SFRP1: variants seen among roughly 807,000 people sequenced by gnomAD.
SFRP1 encodes the protein secreted frizzled-related protein 1.
Under a neutral mutation model 25.9 loss-of-function variants are expected in SFRP1, and 9 were observed. The ratio of observed to expected loss-of-function variants is 0.35; its 90% confidence interval spans 0.21 to 0.61. SFRP1 has a LOEUF of 0.61. Ranked by LOEUF, SFRP1 falls within the 20% of genes least tolerant of loss-of-function variation. The pLI is 0.78. For synonymous variants in SFRP1, 178 were observed against 174.0 expected (o/e 1.02, Z -0.18); for missense variants, 346 against 418.2 (o/e 0.83, Z 1.51).
In SFRP1 at chr8:41,303,722, G is replaced by A. The variant is rs142455730; in HGVS notation, c.545-184C>T. 2.0e-4 allele frequency among the ~76,000 whole-genome samples: 30 copies of A among 152,234 alleles called. No individual in the cohort carries two copies. The East Asian group carries it at 4.2e-3, about 22-fold the overall frequency. The stretch of plus-strand genomic sequence containing the variant: ...CCCAGGGTCTACAACCAGAGCAGGC[G>A]CAGGTTTCTTGAAACATTTTGGCCC... On this transcript the variant is annotated intron_variant, in intron 1 of 2. Coordinates refer to ENST00000220772, the MANE Select transcript of SFRP1 (RefSeq NM_003012.5).
intron 1 of SFRP1, among the ~76,000 whole-genome samples, chr8:41,304,490 G>A (rs1803968898): frequency 1.3e-5 from 2 of 151,988 alleles, no homozygotes; most frequent in African/African-American, 4.8e-5. Flanking sequence ...CACATTCTAG[G>A]GGCACCCCAC....
intron 2 of SFRP1, among the ~76,000 whole-genome samples, chr8:41,290,906 TTTTTTTTTTTTTTTTTTTG>T (rs1803770274): frequency 9.2e-6 from 1 of 108,912 alleles, no homozygotes; most frequent in South Asian, 3.4e-4. Context: ...TTTTTTTTTT[TTTTTTTTTTTTTTTTTTTG>T]AGATGGAGTC....
At chr8:41,308,047 A>C (rs556191925) in intron 1 of SFRP1, among the ~76,000 whole-genome samples, 3 of 152,354 alleles carry the variant, frequency 2.0e-5, no homozygotes, top group Admixed American at 6.5e-5. Context: ...CCAGTTTTGC[A>C]GCAATCCCAA....
chr8:41,302,512 A>G (rs919515832), intron 2 of SFRP1, among the ~76,000 whole-genome samples: 4 of 152,210 alleles, frequency 2.6e-5, no homozygotes, highest in African/African-American at 9.6e-5. Flanking sequence ...ATTCTGTAAG[A>G]AATCCGATCT....
chr8:41,269,304 C>T (rs956897349), intron 2 of SFRP1, among the ~76,000 whole-genome samples: 3 of 152,114 alleles, frequency 2.0e-5, no homozygotes, highest in African/African-American at 7.2e-5. Context: ...TAACATCCTC[C>T]AAGGGTAGGA....
chr8:41,267,800 C>T (rs1803455313), intron 2 of SFRP1, among the ~76,000 whole-genome samples: 1 of 152,216 alleles, frequency 6.6e-6, no homozygotes, highest in East Asian at 1.9e-4. Context: ...CACTTTTAAT[C>T]TGCATGTTGT....
intron 2 of SFRP1, among the ~76,000 whole-genome samples, chr8:41,291,618 C>T (rs1803779996): frequency 6.6e-6 from 1 of 152,150 alleles, no homozygotes; most frequent in Non-Finnish European, 1.5e-5. Context: ...CTATCACGGG[C>T]ATCTCTGCAT....
At chr8:41,285,123 C>T (rs930919791) in intron 2 of SFRP1, among the ~76,000 whole-genome samples, 3 of 152,224 alleles carry the variant, frequency 2.0e-5, no homozygotes, top group East Asian at 1.9e-4. Context: ...TTAACAAACA[C>T]GAACTTCACA....
At position 41,282,953 on chromosome 8, in the gene SFRP1, C is replaced by A. The variant is rs146526335; in HGVS notation, c.623-17464G>T. ...AAATTTTGATTCATTTCCCTATGTT[C>A]TTTCAAGAAGCTCTCTGTGGCTATC... On this transcript the variant is annotated intron_variant, in intron 2 of 2. Transcript: ENST00000220772. Among the ~76,000 whole-genome samples, 144 of 152,300 alleles carry A rather than the reference C, an allele frequency of 9.5e-4. 1 individual carries two copies. The highest frequency in any genetic ancestry group is 3.3e-3 in the African/African-American group (139 of 41,576).
At chr8:41,307,351 C>G (rs944749440) in intron 1 of SFRP1, among the ~76,000 whole-genome samples, 5 of 152,192 alleles carry the variant, frequency 3.3e-5, no homozygotes, top group African/African-American at 1.2e-4. Flanking sequence ...CTCCACCCTC[C>G]CTAGAATAAG....
intron 2 of SFRP1, chr8:41,277,067 C>T: frequency 6.6e-6 from 3 of 456,030 alleles, no homozygotes; most frequent in Non-Finnish European, 8.8e-6. Flanking sequence ...AATGAAAACC[C>T]CACTCTGAGA....
At chr8:41,302,326 C>T (rs368946229) in intron 2 of SFRP1, among the ~76,000 whole-genome samples, 15 of 152,300 alleles carry the variant, frequency 9.8e-5, no homozygotes, top group South Asian at 4.2e-4. Flanking sequence ...ATGACCCTGT[C>T]GTGAGGCATG....
At chr8:41,270,306 G>A (rs1485583254) in intron 2 of SFRP1, among the ~76,000 whole-genome samples, 1 of 152,100 alleles carries the variant, frequency 6.6e-6, no homozygotes, top group Non-Finnish European at 1.5e-5. Flanking sequence ...AAAAAAACAA[G>A]TTATAAACAC....
chr8:41,293,457 G>A (rs183640891), intron 2 of SFRP1, among the ~76,000 whole-genome samples: 110 of 152,284 alleles, frequency 7.2e-4, no homozygotes, highest in Non-Finnish European at 2.4e-4. Context: ...ACCAGCTTAG[G>A]TTTCGTCAAT....
rs764130978 is a variant in SFRP1 at position 41,309,037 on chromosome 8, C to T, written c.123G>A (p.Ser41=). Residue 41 remains serine (S), a synonymous_variant, in exon 1 of 3, where the codon TCG becomes TCA. Coordinates refer to ENST00000220772, the MANE Select transcript of SFRP1 (RefSeq NM_003012.5). The part of the protein sequence containing the change: ...ASEYDYVSFQ[S]DIGPYQSGRF... The stretch of plus-strand genomic sequence containing the variant: ...GCCCGCTCTGGTACGGGCCGATGTC[C>T]GACTGGAAGCTCACGTAGTCGTACT... The T allele has an allele frequency of 6.2e-7, 1 of 1,607,992 alleles. No individual in the cohort carries two copies. Among genetic ancestry groups the T allele is most frequent in the Admixed American group, 1.7e-5 (1 of 60,006 alleles).
intron 2 of SFRP1, 88 bp from the exon 3 acceptor site, chr8:41,265,577 T>C (rs1422102623): frequency 4.7e-6 from 4 of 858,780 alleles, no homozygotes; most frequent in East Asian, 2.8e-5. Flanking sequence ...CTCAAAGTGA[T>C]TGCATTTTAT....
Position 41,265,501 on chromosome 8 carries a change from G to A in SFRP1, c.623-12C>T. On this transcript the variant is annotated splice_polypyrimidine_tract_variant and intron_variant, in intron 2 of 2. Transcript: ENST00000220772. Reference sequence around the variant, plus strand: ...TTTCATCCTCAGTGCTAGAGATGGAGAGGACAGAAGAAGAGAAAAGAGGGT... The same window carrying A: ...TTTCATCCTCAGTGCTAGAGATGGAAAGGACAGAAGAAGAGAAAAGAGGGT... 1.9e-6 allele frequency: 3 copies of A among 1,575,164 alleles called. No homozygotes were observed. Among genetic ancestry groups the A allele is most frequent in the Non-Finnish European group, 2.6e-6 (3 of 1,164,914 alleles).
chr8:41,298,372 C>T (rs1803870001), intron 2 of SFRP1: 2 of 152,024 alleles, frequency 1.3e-5, no homozygotes. Flanking sequence ...ACATTTCCAA[C>T]ACAAAGATCA....
chr8:41,295,233 T>C (rs533964870), intron 2 of SFRP1, among the ~76,000 whole-genome samples: 36 of 152,130 alleles, frequency 2.4e-4, no homozygotes, highest in African/African-American at 8.2e-4. Flanking sequence ...TGGTGGTGCG[T>C]GCCTGTAATC....
Sources: allele counts gnomAD v4.1 joint callset (sites outside exome capture counted in the v4.1 genomes callset), GRCh38; gene constraint gnomAD v4.1.1; transcripts MANE v1.5; gene names NCBI Gene and HGNC (gene_info 2026-07-23, HGNC 2026-07-21).